TUB: variants seen among roughly 807,000 people sequenced by gnomAD.
TUB encodes the protein tubby protein homolog.
A neutral mutation model predicts 59.7 loss-of-function variants in TUB; 33 were observed. That is an observed-to-expected ratio of 0.55 (90% CI 0.42 to 0.74). The LOEUF is 0.74. Among genes scored for constraint, TUB ranks in the 30% least tolerant of loss-of-function variants. The pLI is 0.00. For missense variants in TUB, 659 were observed against 672.0 expected (o/e 0.98, Z 0.21); for synonymous variants, 293 against 256.4 (o/e 1.14, Z -1.36).
rs184952314 is a variant in TUB, at chr11:8,085,929, G to C, written c.39-3681G>C. On this transcript the variant is annotated intron_variant, in intron 1 of 11. Coordinates refer to ENST00000299506, the MANE Select transcript of TUB (RefSeq NM_177972.3). ...ATCTGTGGGGTGCCTTGGGGGAAGT[G>C]AGTGGATGTAGAGGGGCAGGTTCCC... is the stretch of plus-strand genomic sequence containing the variant. Among the ~76,000 whole-genome samples, 176 of 152,306 alleles carry C rather than the reference G, an allele frequency of 1.2e-3. 1 individual carries two copies. Among genetic ancestry groups the C allele is most frequent in the African/African-American group, 4.1e-3 (169 of 41,558 alleles).
chr11:8,086,867 T>C (rs915312976), intron 1 of TUB, among the ~76,000 whole-genome samples: 6 of 152,238 alleles, frequency 3.9e-5, no homozygotes, highest in African/African-American at 1.4e-4. Context: ...TTCAGTAGCC[T>C]AGCCCTTGTG....
At chr11:8,029,830 T>A (rs2133707741) in intron 1 of TUB, among the ~76,000 whole-genome samples, 1 of 152,228 alleles carries the variant, frequency 6.6e-6, no homozygotes, top group South Asian at 2.1e-4. Context: ...CAGTGCCAGC[T>A]TAGGGGTTGC....
At chr11:8,039,562 AC>A in intron 1 of TUB, 5 of 1,261,724 alleles carry the variant, frequency 4.0e-6, no homozygotes, top group Non-Finnish European at 5.3e-6. Flanking sequence ...GCCTTGAGTG[AC>A]CAGGTGTGGC....
chr11:8,044,409 T>A (rs1420732655), intron 2 of TUB, among the ~76,000 whole-genome samples: 1 of 152,246 alleles, frequency 6.6e-6, no homozygotes, highest in Non-Finnish European at 1.5e-5. Flanking sequence ...GTATTTCATT[T>A]CTCTCCTCAT....
chr11:8,023,593 C>G (rs1942460736), intron 1 of TUB, among the ~76,000 whole-genome samples: 1 of 152,206 alleles, frequency 6.6e-6, no homozygotes, highest in African/African-American at 2.4e-5. Context: ...GTAGACGTCT[C>G]CATCTAGACA....
chr11:8,103,881 A>C lies in TUB; in HGVS notation c.*2262A>C, dbSNP rs1375797639. 6.6e-6 allele frequency: 1 copy of C among 152,278 alleles called. No homozygotes were observed. Among genetic ancestry groups the C allele is most frequent in the Non-Finnish European group, 1.5e-5 (1 of 68,044 alleles). The allele number at this position is 152,278 out of a possible 1,614,324, so 9.4% of individuals were successfully genotyped here. ...GTGGAAAAATCAGAAGCACAAAGGA[A>C]AACTCTTGGCCTCTGCTTTCTCCTG... On this transcript the variant is annotated 3_prime_UTR_variant, in exon 12 of 12. Transcript: ENST00000299506.
In TUB at chr11:8,095,723, C is replaced by T. The variant is rs1023609980; in HGVS notation, c.565+58C>T. 2.6e-5 allele frequency: 39 copies of T among 1,516,786 alleles called. No homozygotes were observed. The African/African-American group carries it at 4.5e-4, about 18-fold the overall frequency. 94.0% of individuals were successfully genotyped at this position (1,516,786 alleles called of 1,614,324 possible). A position where few individuals can be genotyped will look rare whatever the true frequency, so the allele number is the denominator to read the frequency against. On this transcript the variant is annotated intron_variant, in intron 5 of 11. Transcript: ENST00000299506. Reference sequence around the variant, plus strand: ...AAACTCAGTCCCAGGTTCTCAGATGCACCTTTCTCTGGGAGCATGGCCTTC... The same window carrying T: ...AAACTCAGTCCCAGGTTCTCAGATGTACCTTTCTCTGGGAGCATGGCCTTC...
chr11:8,023,741 T>C (rs992436523), intron 1 of TUB, among the ~76,000 whole-genome samples: 42 of 152,216 alleles, frequency 2.8e-4, no homozygotes, highest in African/African-American at 9.4e-4. Context: ...TCTCCTTATC[T>C]ATACCACTGA....
chr11:8,075,288 C>T (rs776786315), intron 2 of TUB, among the ~76,000 whole-genome samples: 20 of 152,204 alleles, frequency 1.3e-4, no homozygotes, highest in South Asian at 1.0e-3. Context: ...AGGGCTAAGG[C>T]GCCCATCATC....
At chr11:8,088,235 C>T (rs551336765) in intron 1 of TUB, among the ~76,000 whole-genome samples, 2 of 152,276 alleles carry the variant, frequency 1.3e-5, no homozygotes, top group South Asian at 2.1e-4. Context: ...CCTCATAGAT[C>T]GTGGCCAAGG....
rs373157064 is a variant in TUB at position 8,083,577 on chromosome 11, C to A, written c.38+2029C>A. On this transcript the variant is annotated intron_variant, in intron 1 of 11. Coordinates refer to ENST00000299506, the MANE Select transcript of TUB (RefSeq NM_177972.3). ...CCTGCAAGGAGTGATTTGGCACTTG[C>A]CTCAGCCCAGGTCCAACTACTATCT... is the stretch of plus-strand genomic sequence containing the variant. Among the ~76,000 whole-genome samples the A allele has an allele frequency of 2.6e-4, 39 of 152,206 alleles. No individual in the cohort carries two copies. The East Asian group carries it at 7.2e-3, about 28-fold the overall frequency.
At chr11:8,092,396 GA>G (rs944991662) in intron 3 of TUB, among the ~76,000 whole-genome samples, 9 of 148,680 alleles carry the variant, frequency 6.1e-5, no homozygotes, top group Non-Finnish European at 7.5e-5. Context: ...AATCCAGCAA[GA>G]AAAAAAAAAG....
rs1944484704 is a variant in TUB at position 8,104,986 on chromosome 11, A to ACTT, written c.*3368_*3370dup. 6.6e-6 allele frequency: 1 copy of ACTT among 151,762 alleles called. No homozygotes were observed. Among genetic ancestry groups the ACTT allele is most frequent in the African/African-American group, 2.4e-5 (1 of 41,270 alleles). 9.4% of individuals were successfully genotyped at this position (151,762 alleles called of 1,614,324 possible). On this transcript the variant is annotated 3_prime_UTR_variant, in exon 12 of 12. Transcript: ENST00000299506. ...AGCAGGACATTTACCTCTTAAATAA[A>ACTT]CTTAGCATTTAGAGGTAATTCTAAA...
At chr11:8,085,624 A>G (rs1254014193) in intron 1 of TUB, among the ~76,000 whole-genome samples, 3 of 152,216 alleles carry the variant, frequency 2.0e-5, no homozygotes, top group Non-Finnish European at 4.4e-5. Flanking sequence ...CAGCAGGGGT[A>G]GCTTCCACTG....
intron 2 of TUB, among the ~76,000 whole-genome samples, chr11:8,060,661 C>T (rs919594651): frequency 6.6e-6 from 1 of 152,154 alleles, no homozygotes; most frequent in Non-Finnish European, 1.5e-5. Context: ...GTGTGGAAAT[C>T]TAGTCCCACC....
Position 8,081,553 on chromosome 11 carries a change from G to T in TUB, c.38+5G>T. 2 of 1,542,412 alleles carry T rather than the reference G, an allele frequency of 1.3e-6. No homozygotes were observed. On this transcript the variant is annotated splice_donor_5th_base_variant and intron_variant, in intron 1 of 11. Transcript: ENST00000299506. Reference sequence around the variant, plus strand: ...TTCCGACTGGATTCCCTACAGGTACGCGGGCGCCGGGCCGGGGCGCCCACC... The same window carrying T: ...TTCCGACTGGATTCCCTACAGGTACTCGGGCGCCGGGCCGGGGCGCCCACC...
intron 2 of TUB, among the ~76,000 whole-genome samples, chr11:8,040,976 A>G (rs1490600219): frequency 1.3e-5 from 2 of 152,234 alleles, no homozygotes; most frequent in Non-Finnish European, 2.9e-5. Flanking sequence ...TAGACTCAGA[A>G]TTAGAACGCA....
intron 1 of TUB, among the ~76,000 whole-genome samples, chr11:8,020,663 G>C (rs762913034): frequency 2.8e-4 from 42 of 152,148 alleles, no homozygotes; most frequent in Middle Eastern, 3.4e-3. Context: ...GGTTAATTCT[G>C]TTTCTTCATC....
intron 2 of TUB, among the ~76,000 whole-genome samples, chr11:8,066,998 C>G (rs1589946277): frequency 6.6e-6 from 1 of 152,178 alleles, no homozygotes; most frequent in Non-Finnish European, 1.5e-5. Context: ...GAGCTCCTTC[C>G]TCTCAGTAAG....
Sources: gnomAD v4.1 joint callset for allele counts (sites outside exome capture counted in the v4.1 genomes callset) on GRCh38, gnomAD v4.1.1 for gene constraint, MANE v1.5 for transcripts, NCBI Gene and HGNC (gene_info 2026-07-23, HGNC 2026-07-21) for gene names.